SYNJ2: variants seen among roughly 807,000 people sequenced by gnomAD.
SYNJ2 encodes the protein synaptojanin 2.
In SYNJ2, 116 loss-of-function variants were observed where a neutral mutation model predicts 141.3. The observed-to-expected ratio is 0.82, with a 90% CI of 0.71 to 0.96. The LOEUF (loss-of-function observed/expected upper bound fraction) is 0.96, where lower values mean the gene tolerates loss of function less well. Among genes scored for constraint, SYNJ2 ranks in the 40% least tolerant of loss-of-function variants. The pLI, the probability that SYNJ2 is intolerant of heterozygous loss-of-function variation, is 0.00. For missense variants in SYNJ2, 1,873 were observed against 1,934.8 expected, an observed-to-expected ratio of 0.97 and a Z score of 0.60; for synonymous variants, 745 against 777.7, an observed-to-expected ratio of 0.96 and a Z score of 0.70.
At chr6:158,026,787 G>C (rs922587897) in intron 2 of SYNJ2, 2 of 980,424 alleles carry the variant, frequency 2.0e-6, no homozygotes, top group African/African-American at 1.8e-5. Flanking sequence ...CCTCTCCGAG[G>C]GCACTTCTGC....
intron 2 of SYNJ2, among the ~76,000 whole-genome samples, chr6:158,022,287 G>C (rs1177850797): frequency 6.6e-6 from 1 of 152,206 alleles, no homozygotes; most frequent in Non-Finnish European, 1.5e-5. Flanking sequence ...CACAGACCAG[G>C]CTGGGAAGGT....
rs779267286 is a variant in SYNJ2, at chr6:158,088,649, G to GT, written c.3344-11_3344-10insT. The stretch of plus-strand genomic sequence containing the variant: ...CTGAGATTGAGACTCTGCCCTCGTT[G>GT]GTTTTTACAGCCGGTTTAATGGTGA... On this transcript the variant is annotated splice_polypyrimidine_tract_variant and intron_variant, in intron 23 of 26. Coordinates refer to ENST00000355585, the MANE Select transcript of SYNJ2 (RefSeq NM_003898.4). 92 of 1,609,506 alleles carry GT rather than the reference G, an allele frequency of 5.7e-5. No homozygotes were observed. Among genetic ancestry groups the GT allele is most frequent in the Non-Finnish European group, 7.7e-5 (91 of 1,176,048 alleles).
rs779963726 is a variant in SYNJ2, at chr6:158,096,359, AC to A, written c.4487del (p.Thr1496AsnfsTer3). The A allele has an allele frequency of 3.1e-6, 5 of 1,601,992 alleles. No individual in the cohort carries two copies. In the African/African-American group the frequency reaches 6.7e-5, roughly 22 times the overall value. ...ALQVFDPLAK[T>X] is the part of the protein sequence containing the mutation. Reference sequence around the variant, plus strand: ...GCAGGTGTTTGACCCACTGGCAAAAACATGACTGAGCAGCTTTGAAGGCTGC... The same window carrying A: ...GCAGGTGTTTGACCCACTGGCAAAAAATGACTGAGCAGCTTTGAAGGCTGC... On this transcript the variant is annotated frameshift_variant, in exon 27 of 27. Transcript: ENST00000355585. LOFTEE classifies it high-confidence loss of function.
intron 5 of SYNJ2, among the ~76,000 whole-genome samples, chr6:158,054,296 T>C (rs999980208): frequency 6.6e-6 from 1 of 152,092 alleles, no homozygotes; most frequent in Non-Finnish European, 1.5e-5. Flanking sequence ...CATCCATCCA[T>C]CCATCCATCC....
At chr6:157,991,619 GAA>G (rs1217877164) in intron 1 of SYNJ2, among the ~76,000 whole-genome samples, 1 of 152,072 alleles carries the variant, frequency 6.6e-6, no homozygotes, top group East Asian at 1.9e-4. Flanking sequence ...CGTCTTAAAA[GAA>G]AAAAGTTTTA....
chr6:158,062,142 A>G lies in SYNJ2; in HGVS notation c.1105A>G (p.Lys369Glu). The G allele has an allele frequency of 6.2e-7, 1 of 1,613,810 alleles. No homozygotes were observed. Among genetic ancestry groups the G allele is most frequent in the East Asian group, 2.2e-5 (1 of 44,866 alleles). Residue 369 changes from lysine to glutamate, a missense_variant, in exon 8 of 27, where the codon AAG (lysine) becomes GAG (glutamate). By Grantham distance (56) the Lys-to-Glu change is moderately conservative. Transcript: ENST00000355585. Reference sequence around the variant, plus strand: ...CTGGGAAGACTTCGATGTGTTCACAAAGGGGGAGAACGTCAGTCCACGGTG... The same window carrying G: ...CTGGGAAGACTTCGATGTGTTCACAGAGGGGGAGAACGTCAGTCCACGGTG... ...LHWEDFDVFT[K>E]GENVSPRFQK...
intron 1 of SYNJ2, among the ~76,000 whole-genome samples, chr6:157,993,710 CTTT>C (rs34971762): frequency 2.5e-5 from 1 of 40,558 alleles, no homozygotes; most frequent in African/African-American, 1.1e-4. Context: ...TCTTGCATAG[CTTT>C]TTTTTTTTTT....
At chr6:158,063,644 G>A (rs4425617) in intron 8 of SYNJ2, 147 bp from the exon 9 acceptor site, 5 of 519,204 alleles carry the variant, frequency 9.6e-6, no homozygotes, top group Non-Finnish European at 1.6e-5. Context: ...GGGTGACAGA[G>A]GTGAGACTCT....
chr6:157,984,411 T>A (rs1379844707), intron 1 of SYNJ2, among the ~76,000 whole-genome samples: 1 of 152,218 alleles, frequency 6.6e-6, no homozygotes, highest in African/African-American at 2.4e-5. Flanking sequence ...TTTTTTTCTT[T>A]TTTTTGAGAT....
rs898557429 is a variant in SYNJ2 at position 158,070,166 on chromosome 6, G to GGGGTGT, written c.1940+506_1940+511dup. The GGGGTGT allele has an allele frequency of 1.0e-4, 102 of 985,788 alleles. No homozygotes were observed. The African/African-American group carries it at 1.3e-3, about 13-fold the overall frequency. 61.1% of individuals were successfully genotyped at this position (985,788 alleles called of 1,614,324 possible). A position where few individuals can be genotyped will look rare whatever the true frequency, so the allele number is the denominator to read the frequency against. On this transcript the variant is annotated intron_variant, in intron 14 of 26. Transcript: ENST00000355585. The surrounding 1 kb of genome is among the most constrained non-coding windows in gnomAD (Gnocchi z 4.0). The stretch of plus-strand genomic sequence containing the variant: ...CGAGCTTAGGGGCGGCATTCCTCTT[G>GGGGTGT]GGGTGTGGGTGTGGGTGTTTGGATG...
At chr6:158,060,333 G>T (rs973512393) in intron 7 of SYNJ2, among the ~76,000 whole-genome samples, 1 of 152,082 alleles carries the variant, frequency 6.6e-6, no homozygotes, top group Non-Finnish European at 1.5e-5. Flanking sequence ...TGGATCCCAG[G>T]CCTCCAGCCC....
intron 5 of SYNJ2, among the ~76,000 whole-genome samples, chr6:158,050,290 A>G (rs1780496500): frequency 1.3e-5 from 2 of 152,258 alleles, no homozygotes; most frequent in African/African-American, 4.8e-5. Flanking sequence ...AGTCTGGCTC[A>G]GCAGATCTGG....
chr6:157,999,145 T>C (rs1047723439), intron 1 of SYNJ2, among the ~76,000 whole-genome samples: 2 of 152,208 alleles, frequency 1.3e-5, no homozygotes, highest in Non-Finnish European at 2.9e-5. Flanking sequence ...AAGGATATAA[T>C]GAGCAATTCT....
intron 5 of SYNJ2, among the ~76,000 whole-genome samples, chr6:158,044,027 A>G (rs953939687): frequency 6.6e-6 from 1 of 152,190 alleles, no homozygotes; most frequent in African/African-American, 2.4e-5. Flanking sequence ...CAGGGTCTCT[A>G]ACAAGGTGGG....
chr6:158,052,974 T>C (rs1780651727), intron 5 of SYNJ2, among the ~76,000 whole-genome samples: 1 of 152,248 alleles, frequency 6.6e-6, no homozygotes, highest in African/African-American at 2.4e-5. Flanking sequence ...CTGCATTTTG[T>C]GGTCATGTCT....
At chr6:158,090,557 T>TG (rs1335258532) in intron 25 of SYNJ2, among the ~76,000 whole-genome samples, 1 of 149,582 alleles carries the variant, frequency 6.7e-6, no homozygotes, top group African/African-American at 2.5e-5. Flanking sequence ...TTTTTTTTTT[T>TG]TTTTTGAGAC....
chr6:158,080,237 G>A (rs1393699446), intron 18 of SYNJ2, among the ~76,000 whole-genome samples: 3 of 152,124 alleles, frequency 2.0e-5, no homozygotes, highest in Non-Finnish European at 2.9e-5. Context: ...CACTTTGGGA[G>A]GCTGAGGCAG....
intron 7 of SYNJ2, 60 bp downstream of exon 7, chr6:158,059,413 T>C (rs1410806738): frequency 1.3e-6 from 2 of 1,541,942 alleles, no homozygotes; most frequent in Non-Finnish European, 1.7e-6. Flanking sequence ...TGGTGGAGCG[T>C]TGAGCCTGGA....
chr6:157,998,707 A>G (rs1777725004), intron 1 of SYNJ2, among the ~76,000 whole-genome samples: 1 of 152,248 alleles, frequency 6.6e-6, no homozygotes, highest in Non-Finnish European at 1.5e-5. Flanking sequence ...AAGATGTTCT[A>G]AGGAAAGCAT....
Sources: allele counts gnomAD v4.1 joint callset (sites outside exome capture counted in the v4.1 genomes callset), GRCh38; gene constraint gnomAD v4.1.1; non-coding constraint Gnocchi (gnomAD v3.1); transcripts MANE v1.5; gene names NCBI Gene and HGNC (gene_info 2026-07-23, HGNC 2026-07-21).